Variants in GPR137C observed in about 807,000 individuals in gnomAD.
GPR137C encodes the protein integral membrane protein GPR137C.
GPR137C carries 27 observed loss-of-function variants against 43.4 expected under a neutral mutation model. The ratio of observed to expected loss-of-function variants is 0.62; its 90% confidence interval spans 0.46 to 0.86. The LOEUF (loss-of-function observed/expected upper bound fraction) is 0.86. Among genes scored for constraint, GPR137C ranks in the 40% least tolerant of loss-of-function variants. GPR137C has a pLI of 0.00. For synonymous variants in GPR137C, 285 were observed against 226.9 expected, an observed-to-expected ratio of 1.26 and a Z score of -2.30; for missense variants, 522 against 534.6, an observed-to-expected ratio of 0.98 and a Z score of 0.23.
chr14:52,616,495 C>T (rs2357801), intron 3 of GPR137C, among the ~76,000 whole-genome samples: 150,486 of 152,316 alleles, frequency 0.99, 74,344 homozygotes, highest in East Asian at 1. Flanking sequence ...GGTTTCACCA[C>T]GTTGGCCAGG....
At chr14:52,558,867 A>G (rs1431990161) in intron 1 of GPR137C, among the ~76,000 whole-genome samples, 1 of 152,256 alleles carries the variant, frequency 6.6e-6, no homozygotes, top group African/African-American at 2.4e-5. Flanking sequence ...CACTCGGGAT[A>G]TAGCCCAGAG....
At chr14:52,556,220 A>C (rs961645964) in intron 1 of GPR137C, among the ~76,000 whole-genome samples, 3 of 152,064 alleles carry the variant, frequency 2.0e-5, no homozygotes, top group African/African-American at 7.2e-5. Flanking sequence ...CACTTGTTTA[A>C]AGCATTTGTT....
chr14:52,569,306 A>G (rs554616468), intron 1 of GPR137C, among the ~76,000 whole-genome samples: 1 of 152,252 alleles, frequency 6.6e-6, no homozygotes, highest in Admixed American at 6.5e-5. Context: ...TCAAAGACCA[A>G]AGGTAGGTAA....
intron 1 of GPR137C, among the ~76,000 whole-genome samples, chr14:52,590,104 T>G (rs897788781): frequency 6.6e-6 from 1 of 152,122 alleles, no homozygotes; most frequent in Non-Finnish European, 1.5e-5. Context: ...TCTAAACACC[T>G]TCCAGTGGCA....
intron 3 of GPR137C, among the ~76,000 whole-genome samples, chr14:52,628,171 A>G (rs1349888160): frequency 1.3e-5 from 2 of 151,586 alleles, no homozygotes; most frequent in Non-Finnish European, 2.9e-5. Flanking sequence ...ACAGATTAGT[A>G]GAACAGAATG....
At chr14:52,561,636 C>G (rs1288001529) in intron 1 of GPR137C, among the ~76,000 whole-genome samples, 2 of 152,152 alleles carry the variant, frequency 1.3e-5, no homozygotes, top group Admixed American at 1.3e-4. Flanking sequence ...GAATACCACT[C>G]AGTAGTAAAA....
chr14:52,603,228 T>C (rs1269696321), intron 3 of GPR137C, among the ~76,000 whole-genome samples: 1 of 152,216 alleles, frequency 6.6e-6, no homozygotes, highest in Non-Finnish European at 1.5e-5. Context: ...CTTATTTCAC[T>C]TAACATAATG....
intron 3 of GPR137C, among the ~76,000 whole-genome samples, chr14:52,623,280 G>A (rs932001817): frequency 3.3e-5 from 5 of 152,068 alleles, no homozygotes; most frequent in Non-Finnish European, 7.4e-5. Flanking sequence ...GTGAATTTCT[G>A]TATAATTGGA....
chr14:52,569,145 C>T (rs1247361392), intron 1 of GPR137C, among the ~76,000 whole-genome samples: 4 of 152,198 alleles, frequency 2.6e-5, no homozygotes, highest in Non-Finnish European at 4.4e-5. Flanking sequence ...GCTGGTGATA[C>T]CCAGGCAAAC....
intron 1 of GPR137C, among the ~76,000 whole-genome samples, chr14:52,554,713 TAA>T (rs11317587): frequency 8.7e-4 from 127 of 145,638 alleles, no homozygotes; most frequent in African/African-American, 1.2e-3. Context: ...CAAGCAAAAG[TAA>T]AAAAAAAAAA....
At chr14:52,602,574 T>C (rs1365856295) in intron 3 of GPR137C, among the ~76,000 whole-genome samples, 1 of 152,124 alleles carries the variant, frequency 6.6e-6, no homozygotes, top group East Asian at 1.9e-4. Context: ...TTAGGCTGTT[T>C]TATTATCCAG....
intron 3 of GPR137C, among the ~76,000 whole-genome samples, chr14:52,616,198 A>G (rs763008792): frequency 3.2e-4 from 49 of 152,340 alleles, no homozygotes; most frequent in Middle Eastern, 3.4e-3. Context: ...ACACATCAGT[A>G]TGAGTTGGAA....
At chr14:52,603,170 C>A (rs186365490) in intron 3 of GPR137C, among the ~76,000 whole-genome samples, 1 of 152,156 alleles carries the variant, frequency 6.6e-6, no homozygotes, top group South Asian at 2.1e-4. Context: ...TTTTGTAGCT[C>A]CCACATGTGA....
At chr14:52,607,203 C>G (rs1376892617) in intron 3 of GPR137C, among the ~76,000 whole-genome samples, 3 of 152,118 alleles carry the variant, frequency 2.0e-5, no homozygotes, top group Non-Finnish European at 4.4e-5. Flanking sequence ...GTTTTCTGGC[C>G]TAACATGTGG....
At chr14:52,590,585 A>G (rs1347237860) in intron 1 of GPR137C, among the ~76,000 whole-genome samples, 2 of 152,158 alleles carry the variant, frequency 1.3e-5, no homozygotes, top group Non-Finnish European at 2.9e-5. Flanking sequence ...ATACAAGTGC[A>G]CCATTTTTTA....
chr14:52,603,546 G>A (rs1473710620), intron 3 of GPR137C, among the ~76,000 whole-genome samples: 4 of 151,980 alleles, frequency 2.6e-5, no homozygotes, highest in Non-Finnish European at 5.9e-5. Context: ...TTGTTTGTTT[G>A]TTTTTGAGAT....
intron 1 of GPR137C, among the ~76,000 whole-genome samples, chr14:52,562,407 G>A (rs897120940): frequency 2.0e-5 from 3 of 152,060 alleles, no homozygotes; most frequent in Admixed American, 6.6e-5. Flanking sequence ...TTAAATAACT[G>A]GGATTTCATA....
At chr14:52,554,294 T>A (rs1271491359) in intron 1 of GPR137C, among the ~76,000 whole-genome samples, 1 of 152,150 alleles carries the variant, frequency 6.6e-6, no homozygotes, top group Non-Finnish European at 1.5e-5. Context: ...TGGAGCTAAT[T>A]AAGAGAAAAA....
intron 3 of GPR137C, among the ~76,000 whole-genome samples, chr14:52,631,452 C>T (rs1031554613): frequency 8.6e-5 from 13 of 151,970 alleles, no homozygotes; most frequent in Non-Finnish European, 5.9e-5. Flanking sequence ...AAATAAAATA[C>T]ATAGGATTGC....
Sources: allele counts gnomAD v4.1 joint callset (sites outside exome capture counted in the v4.1 genomes callset), GRCh38; gene constraint gnomAD v4.1.1; transcripts MANE v1.5; gene names NCBI Gene and HGNC (gene_info 2026-07-23, HGNC 2026-07-21).